RYR1: variants seen among roughly 807,000 people sequenced by gnomAD.
The protein encoded by RYR1 is central core disease of muscle.
RYR1 carries 342 observed loss-of-function variants against 583.5 expected under a neutral mutation model. The observed-to-expected ratio is 0.59, with a 90% CI of 0.54 to 0.64. RYR1 has a LOEUF of 0.64. Among genes scored for constraint, RYR1 ranks in the 30% least tolerant of loss-of-function variants. The probability of loss-of-function intolerance (pLI) is 0.00; values close to 1 mark genes in which losing one functional copy is unlikely to be tolerated. For synonymous variants in RYR1, 2,791 were observed against 2,822.5 expected (o/e 0.99, Z 0.35); for missense variants, 6,032 against 6,917.2 (o/e 0.87, Z 4.54).
chr19:38,490,178 C>T lies in RYR1; in HGVS notation c.5917C>T (p.Gln1973Ter), dbSNP rs2145562180. The T allele has an allele frequency of 1.2e-6, 2 of 1,614,242 alleles. No individual in the cohort carries two copies. Among genetic ancestry groups the T allele is most frequent in the African/African-American group, 1.3e-5 (1 of 75,078 alleles). ...CTATGTGGACAAGCTCCAGGCCAACCAGCGGAGCCGCTATGGCCTCCTCAT... is the reference window on the plus strand; with the variant it reads ...CTATGTGGACAAGCTCCAGGCCAACTAGCGGAGCCGCTATGGCCTCCTCAT... ...ERYVDKLQAN[Q>*]RSRYGLLIKA... The change falls in exon 36 of 106, where the codon CAG (glutamine) becomes TAG (stop). Residue 1973 changes from glutamine (Q) to a stop codon, truncating the protein, a stop_gained. Coordinates refer to ENST00000359596, the MANE Select transcript of RYR1 (RefSeq NM_000540.3). LOFTEE classifies it high-confidence loss of function.
intron 23 of RYR1, 38 bp downstream of exon 23, chr19:38,464,760 T>A (rs1968003099): frequency 6.5e-7 from 1 of 1,531,898 alleles, no homozygotes; most frequent in East Asian, 2.4e-5. Flanking sequence ...GGGGATGGAC[T>A]GGGGGCTGGG....
rs1491562489 is a variant in RYR1 at position 38,502,786 on chromosome 19, C to CAGGGGTAGGGGT, written c.7835+64_7835+65insTAGGGGTAGGGG. 1.3e-5 allele frequency: 8 copies of CAGGGGTAGGGGT among 637,336 alleles called. No homozygotes were observed. The African/African-American group carries it at 3.1e-4, about 24-fold the overall frequency. 39.5% of individuals were successfully genotyped at this position (637,336 alleles called of 1,614,324 possible). A position where few individuals can be genotyped will look rare whatever the true frequency, so the allele number is the denominator to read the frequency against. On this transcript the variant is annotated intron_variant, in intron 48 of 105. Coordinates refer to ENST00000359596, the MANE Select transcript of RYR1 (RefSeq NM_000540.3). ...GCAGGGGCAGGGGCAGGGGCAGGGG[C>CAGGGGTAGGGGT]AGGGGCAGGGGCAGGGGCAGGGGGA...
Position 38,543,402 on chromosome 19 carries a change from CATT to C in RYR1, c.11746_11748del (p.Ile3916del), listed in dbSNP as rs1251850727. 1 of 1,614,264 alleles carries C rather than the reference CATT, an allele frequency of 6.2e-7. No individual in the cohort carries two copies. The highest frequency in any genetic ancestry group is 8.5e-7 in the Non-Finnish European group (1 of 1,180,056). ...GGAACACGACCACTATTAACATCATCATTTGCACTGTGGACTACCTCCTGCGGC... is the reference window on the plus strand; with the variant it reads ...GGAACACGACCACTATTAACATCATCTGCACTGTGGACTACCTCCTGCGGC... On this transcript the variant is annotated inframe_deletion, in exon 85 of 106. Coordinates refer to ENST00000359596, the MANE Select transcript of RYR1 (RefSeq NM_000540.3). This position sits in a 1 kb window ranked among gnomAD's most constrained non-coding sequence, Gnocchi z 4.4.
Position 38,496,492 on chromosome 19 carries a change from C to T in RYR1, c.6747C>T (p.Ser2249=), listed in dbSNP as rs757531284. Reference sequence around the variant, plus strand: ...GAATCAGCCGGCAGAACCAGCGCTCCATGTTTGACCACCTGAGCTACCTGC... The same window carrying T: ...GAATCAGCCGGCAGAACCAGCGCTCTATGTTTGACCACCTGAGCTACCTGC... ...FCRISRQNQR[S]MFDHLSYLLE... The change falls in exon 41 of 106, where the codon TCC becomes TCT. Residue 2249 remains serine, a synonymous_variant. Coordinates refer to ENST00000359596, the MANE Select transcript of RYR1 (RefSeq NM_000540.3). The surrounding 1 kb of genome is among the most constrained non-coding windows in gnomAD (Gnocchi z 4.8). 6.2e-7 allele frequency: 1 copy of T among 1,613,704 alleles called. No individual in the cohort carries two copies. Among genetic ancestry groups the T allele is most frequent in the Non-Finnish European group, 8.5e-7 (1 of 1,180,042 alleles).
At chr19:38,440,053 CA>C (rs1271639610) in intron 1 of RYR1, among the ~76,000 whole-genome samples, 1 of 152,216 alleles carries the variant, frequency 6.6e-6, no homozygotes, top group Non-Finnish European at 1.5e-5. Flanking sequence ...GACTGAGGTT[CA>C]AATCCCAGCT....
chr19:38,445,136 AT>A (rs745704220), intron 7 of RYR1, among the ~76,000 whole-genome samples: 2 of 141,284 alleles, frequency 1.4e-5, no homozygotes, highest in African/African-American at 2.7e-5. Flanking sequence ...TGTGCCTGTA[AT>A]CCCACCTACT....
At position 38,506,231 on chromosome 19, in the gene RYR1, C is replaced by T. The variant is rs73030989; in HGVS notation, c.8542-72C>T. On this transcript the variant is annotated intron_variant, in intron 54 of 105. Transcript: ENST00000359596. ...GAGGGGGTAGAATGGACTAGTGGGG[C>T]CTGGGGAGGGGCTGGCCTGGGCTTC... The T allele has an allele frequency of 0.017, 25,979 of 1,496,356 alleles. 316 individuals are homozygous for T. Among genetic ancestry groups the T allele is most frequent in the Non-Finnish European group, 0.021 (22,647 of 1,077,060 alleles). 92.7% of individuals were successfully genotyped at this position (1,496,356 alleles called of 1,614,324 possible).
chr19:38,486,141 C>T lies in RYR1; in HGVS notation c.5486C>T (p.Pro1829Leu). ...GACGGTGGGCAGCACGCTCGCGACC[C>T]CGTCGGGGGCTCCGTGGAGTTCCAG... ...VRDGGQHARDPVGGSVEFQFV... is the reference protein window; with the variant it reads ...VRDGGQHARDLVGGSVEFQFV... The change falls in exon 34 of 106, where the codon CCC becomes CTC. Residue 1829 changes from proline to leucine, a missense_variant. Pro to Leu is a moderately conservative substitution (Grantham distance 98). This residue lies in a region of RYR1 where 2,627 missense variants were observed against 2,961.3 expected (regional missense o/e 0.89). Transcript: ENST00000359596. 4 of 1,613,180 alleles carry T rather than the reference C, an allele frequency of 2.5e-6. No homozygotes were observed. The highest frequency in any genetic ancestry group is 2.5e-6 in the Non-Finnish European group (3 of 1,179,916).
rs78795178 is a variant in RYR1 at position 38,499,816 on chromosome 19, C to G, written c.7209C>G (p.Arg2403=). 1.2e-6 allele frequency: 2 copies of G among 1,606,344 alleles called. No homozygotes were observed. The highest frequency in any genetic ancestry group is 1.1e-5 in the South Asian group (1 of 90,804). ...CAGGCATCCGCAGGGACCGGCGGCG[C>G]GAGCAGTGAGTCTCCCGGCCCCCTC... ...DGPGIRRDRR[R]EHFGEEPPEE... is the part of the protein sequence containing the mutation. Residue 2403 remains arginine (R), a synonymous_variant, in exon 44 of 106, where the codon CGC becomes CGG. Coordinates refer to ENST00000359596, the MANE Select transcript of RYR1 (RefSeq NM_000540.3). The surrounding 1 kb of genome is among the most constrained non-coding windows in gnomAD (Gnocchi z 7.3).
chr19:38,527,106 A>G lies in RYR1; in HGVS notation c.10686+54A>G, dbSNP rs893398992. 4.4e-6 allele frequency: 7 copies of G among 1,584,320 alleles called. No individual in the cohort carries two copies. The African/African-American group carries it at 6.7e-5, about 15-fold the overall frequency. On this transcript the variant is annotated intron_variant, in intron 72 of 105. Transcript: ENST00000359596. Reference sequence around the variant, plus strand: ...AAGCAAGTCAGAAAGTAACCACAATATTAGTGAAGGTTTGAGCATTTACCA... The same window carrying G: ...AAGCAAGTCAGAAAGTAACCACAATGTTAGTGAAGGTTTGAGCATTTACCA...
rs997555191 is a variant in RYR1, at chr19:38,505,351, C to T, written c.8353C>T (p.Leu2785=). The part of the protein sequence containing the change: ...WSYGENIDEE[L]KTHPMLRPYK... Reference sequence around the variant, plus strand: ...CTATGGAGAGAACATAGACGAGGAGCTGAAGACCCACCCCATGCTGAGGCC... The same window carrying T: ...CTATGGAGAGAACATAGACGAGGAGTTGAAGACCCACCCCATGCTGAGGCC... The change falls in exon 53 of 106, where the codon CTG becomes TTG. Residue 2785 remains leucine (L), a synonymous_variant. Transcript: ENST00000359596. The T allele has an allele frequency of 3.1e-6, 5 of 1,612,504 alleles. No homozygotes were observed. Among genetic ancestry groups the T allele is most frequent in the Non-Finnish European group, 4.2e-6 (5 of 1,179,464 alleles).
In RYR1 at chr19:38,505,071, C is replaced by T. The variant is rs368444112; in HGVS notation, c.8300C>T (p.Ala2767Val). Reference sequence around the variant, plus strand: ...GCGGAGTACACACACGAGAAGTGGGCCTTCGACAAGGTTGGCCTCAGGGTC... The same window carrying T: ...GCGGAGTACACACACGAGAAGTGGGTCTTCGACAAGGTTGGCCTCAGGGTC... ...KFAEYTHEKW[A>V]FDKIQNNWSY... Residue 2767 changes from alanine (A) to valine (V), a missense_variant, in exon 52 of 106, where the codon GCC (alanine) becomes GTC (valine). Coordinates refer to ENST00000359596, the MANE Select transcript of RYR1 (RefSeq NM_000540.3). 10 of 1,613,912 alleles carry T rather than the reference C, an allele frequency of 6.2e-6. No homozygotes were observed. The highest frequency in any genetic ancestry group is 7.6e-6 in the Non-Finnish European group (9 of 1,179,954).
At chr19:38,480,718 T>A (rs1386696146) in intron 31 of RYR1, among the ~76,000 whole-genome samples, 1 of 151,902 alleles carries the variant, frequency 6.6e-6, no homozygotes, top group African/African-American at 2.4e-5. Flanking sequence ...CTAAGTAGGG[T>A]CATATATTTT....
intron 58 of RYR1, among the ~76,000 whole-genome samples, chr19:38,508,265 A>G (rs1273393852): frequency 6.6e-6 from 1 of 151,864 alleles, no homozygotes; most frequent in African/African-American, 2.4e-5. Context: ...GCTGGAGTGC[A>G]GTGGCACGGT....
chr19:38,533,210 G>C (rs894906845), intron 78 of RYR1, among the ~76,000 whole-genome samples: 12 of 152,180 alleles, frequency 7.9e-5, no homozygotes, highest in African/African-American at 2.7e-4. Context: ...AATGTTCTAC[G>C]TAGGGAGAAT....
chr19:38,470,371 G>A (rs112466040), intron 27 of RYR1, among the ~76,000 whole-genome samples: 9 of 151,502 alleles, frequency 5.9e-5, no homozygotes, highest in African/African-American at 1.7e-4. Flanking sequence ...TCAGGAGGTC[G>A]AGGCTGCAGT....
In RYR1 at chr19:38,444,536, G is replaced by T. The variant is rs200509864; in HGVS notation, c.538-48G>T. ...TCTGGCCTCTGACGCTGGGACTCTC[G>T]CCCACCCCTGCAATCGTCTCTGACT... is the stretch of plus-strand genomic sequence containing the variant. On this transcript the variant is annotated intron_variant, in intron 6 of 105. Transcript: ENST00000359596. The surrounding 1 kb of genome is among the most constrained non-coding windows in gnomAD (Gnocchi z 5.1). 6.5e-7 allele frequency: 1 copy of T among 1,542,958 alleles called. No individual in the cohort carries two copies. Among genetic ancestry groups the T allele is most frequent in the East Asian group, 2.3e-5 (1 of 43,878 alleles).
chr19:38,583,767 C>G (rs1218832482), intron 101 of RYR1, among the ~76,000 whole-genome samples: 1 of 152,030 alleles, frequency 6.6e-6, no homozygotes, highest in Non-Finnish European at 1.5e-5. Context: ...GTCCCCTACC[C>G]CAGGCCTGAC....
At chr19:38,438,356 C>T (rs997995881) in intron 1 of RYR1, among the ~76,000 whole-genome samples, 1 of 150,862 alleles carries the variant, frequency 6.6e-6, no homozygotes, top group Non-Finnish European at 1.5e-5. Flanking sequence ...CCTGTCTCCA[C>T]CATGAGGATT....
Sources: allele counts gnomAD v4.1 joint callset (sites outside exome capture counted in the v4.1 genomes callset), GRCh38; gene constraint gnomAD v4.1.1; regional missense constraint gnomAD v4.1.1; non-coding constraint Gnocchi (gnomAD v3.1); transcripts MANE v1.5; gene names NCBI Gene and HGNC (gene_info 2026-07-23, HGNC 2026-07-21).